The following DPP10 variants were observed in gnomAD, a reference collection of about 807,000 sequenced individuals.
DPP10 encodes dipeptidyl peptidase like 10.
In DPP10, 33 loss-of-function variants were observed where a neutral mutation model predicts 120.9. The ratio of observed to expected loss-of-function variants is 0.27; its 90% confidence interval spans 0.21 to 0.37. DPP10 has a LOEUF of 0.37. DPP10 is among the 10% of genes least tolerant of loss of function. The pLI is 1.00. For missense variants in DPP10, 816 were observed against 942.8 expected, an observed-to-expected ratio of 0.87 and a Z score of 1.76; for synonymous variants, 337 against 326.1, an observed-to-expected ratio of 1.03 and a Z score of -0.36.
chr2:114,592,322 C>T (rs904211203), intron 1 of DPP10, among the ~76,000 whole-genome samples: 1 of 152,126 alleles, frequency 6.6e-6, no homozygotes, highest in Non-Finnish European at 1.5e-5. Flanking sequence ...TGATGGTAAA[C>T]TTTTCCCTTC....
At chr2:114,781,563 G>A (rs150000797) in intron 1 of DPP10, among the ~76,000 whole-genome samples, 1 of 151,396 alleles carries the variant, frequency 6.6e-6, no homozygotes, top group African/African-American at 2.5e-5. Context: ...AGTCCATATT[G>A]TTTTTCCATC....
chr2:114,811,934 G>C (rs766071437), intron 1 of DPP10, among the ~76,000 whole-genome samples: 17 of 152,300 alleles, frequency 1.1e-4, no homozygotes, highest in Admixed American at 4.6e-4. Flanking sequence ...AGGCTGTCCG[G>C]AGACCTTGTA....
chr2:114,514,139 G>A (rs148313526), intron 1 of DPP10, among the ~76,000 whole-genome samples: 1 of 152,252 alleles, frequency 6.6e-6, no homozygotes, highest in African/African-American at 2.4e-5. Flanking sequence ...AATGTGAAAA[G>A]AATCTGTGGT....
intron 3 of DPP10, among the ~76,000 whole-genome samples, chr2:115,460,590 G>A (rs2073930079): frequency 1.3e-5 from 2 of 152,158 alleles, no homozygotes; most frequent in African/African-American, 2.4e-5. Flanking sequence ...CTGGTTGCCT[G>A]TAGATTTTCT....
chr2:114,506,889 G>A (rs1683710408), intron 1 of DPP10, among the ~76,000 whole-genome samples: 1 of 152,146 alleles, frequency 6.6e-6, no homozygotes, highest in South Asian at 2.1e-4. Context: ...TAGACCAAGT[G>A]CCTTCAAGCA....
intron 1 of DPP10, among the ~76,000 whole-genome samples, chr2:115,088,403 C>G (rs965054199): frequency 6.6e-6 from 1 of 152,080 alleles, no homozygotes; most frequent in South Asian, 2.1e-4. Flanking sequence ...ACCTAGCTAA[C>G]TTCCACAGAA....
At chr2:114,942,300 T>TAC (rs1553458468) in intron 1 of DPP10, among the ~76,000 whole-genome samples, 2 of 110,620 alleles carry the variant, frequency 1.8e-5, no homozygotes, top group African/African-American at 7.0e-5. Flanking sequence ...TATATATACA[T>TAC]ATATATATAT....
intron 13 of DPP10, 77 bp downstream of exon 13, chr2:115,768,481 A>G (rs1243399421): frequency 7.6e-7 from 1 of 1,313,092 alleles, no homozygotes; most frequent in Non-Finnish European, 1.1e-6. Context: ...TGGCATTCTA[A>G]ACCTCTAGTT....
At chr2:115,471,899 G>A (rs1039932665) in intron 3 of DPP10, among the ~76,000 whole-genome samples, 2 of 152,028 alleles carry the variant, frequency 1.3e-5, no homozygotes, top group South Asian at 2.1e-4. Context: ...GACTGCAGGT[G>A]TGAGCCACTT....
chr2:115,178,472 T>C (rs1405362412), intron 1 of DPP10, among the ~76,000 whole-genome samples: 1 of 152,230 alleles, frequency 6.6e-6, no homozygotes, highest in Non-Finnish European at 1.5e-5. Context: ...CTACCACGAC[T>C]ACTATGAATA....
Position 115,625,105 on chromosome 2 carries a change from G to A in DPP10, c.442-64582G>A, listed in dbSNP as rs565923338. On this transcript the variant is annotated intron_variant, in intron 5 of 25. Coordinates refer to ENST00000410059, the MANE Select transcript of DPP10 (RefSeq NM_020868.6). ...AAATGCTATTTAATAAAAAAAAAAT[G>A]TGTCTGACCTAAAGCTGGAAGGGAT... Among the ~76,000 whole-genome samples the A allele has an allele frequency of 3.3e-5, 5 of 149,906 alleles. No individual in the cohort carries two copies. In the South Asian group the frequency reaches 6.4e-4, roughly 19 times the overall value.
intron 1 of DPP10, among the ~76,000 whole-genome samples, chr2:115,084,917 A>T (rs1291017569): frequency 1.3e-5 from 2 of 152,182 alleles, no homozygotes; most frequent in Non-Finnish European, 2.9e-5. Context: ...AAAAGGGCTT[A>T]TTTTTATTCT....
At chr2:115,292,811 A>G (rs2105933537) in intron 1 of DPP10, among the ~76,000 whole-genome samples, 1 of 152,236 alleles carries the variant, frequency 6.6e-6, no homozygotes, top group African/African-American at 2.4e-5. Flanking sequence ...GCATTGTCCC[A>G]TGGCATATTA....
chr2:114,899,852 C>A (rs1003298294), intron 1 of DPP10, among the ~76,000 whole-genome samples: 1 of 152,040 alleles, frequency 6.6e-6, no homozygotes, highest in African/African-American at 2.4e-5. Flanking sequence ...CCCAGCTACT[C>A]GGGAGGCTGA....
At chr2:114,499,605 T>G (rs1682982139) in intron 1 of DPP10, among the ~76,000 whole-genome samples, 1 of 151,866 alleles carries the variant, frequency 6.6e-6, no homozygotes, top group Non-Finnish European at 1.5e-5. Flanking sequence ...GAGCAGGGAC[T>G]GGGCTGTGAA....
chr2:115,615,276 A>G (rs1044264980), intron 5 of DPP10, among the ~76,000 whole-genome samples: 9 of 152,166 alleles, frequency 5.9e-5, no homozygotes, highest in Non-Finnish European at 8.8e-5. Flanking sequence ...GGTAGATGGA[A>G]TCTATTGGGA....
chr2:115,482,284 G>A (rs1376600504), intron 3 of DPP10, among the ~76,000 whole-genome samples: 1 of 144,132 alleles, frequency 6.9e-6, no homozygotes, highest in African/African-American at 2.5e-5. Context: ...AATGTTATAA[G>A]ATTATATATA....
intron 1 of DPP10, among the ~76,000 whole-genome samples, chr2:115,169,270 C>G (rs2053131254): frequency 6.6e-6 from 1 of 152,092 alleles, no homozygotes; most frequent in Non-Finnish European, 1.5e-5. Flanking sequence ...GTTTTTATTG[C>G]ATCTGGCTCA....
rs1054315678 is a variant in DPP10 at position 114,968,809 on chromosome 2, C to A, written c.61-340430C>A. On this transcript the variant is annotated intron_variant, in intron 1 of 25. Transcript: ENST00000410059. ...TTGAACTATAAAGGATTTTTCCAAC[C>A]ATTCAGATTCTTTCCCCAGAGTACC... Among the ~76,000 whole-genome samples the A allele has an allele frequency of 2.6e-5, 4 of 152,104 alleles. No individual in the cohort carries two copies. The East Asian group carries it at 7.7e-4, about 29-fold the overall frequency.
Sources: gnomAD v4.1 joint callset for allele counts (sites outside exome capture counted in the v4.1 genomes callset) on GRCh38, gnomAD v4.1.1 for gene constraint, MANE v1.5 for transcripts, NCBI Gene and HGNC (gene_info 2026-07-23, HGNC 2026-07-21) for gene names.